MGAT4C: variants seen among roughly 807,000 people sequenced by gnomAD.
MGAT4C encodes MGAT4 family member C.
Under a neutral mutation model 40.1 loss-of-function variants are expected in MGAT4C, and 19 were observed. That is an observed-to-expected ratio of 0.47 (90% confidence interval 0.33 to 0.70). MGAT4C has a LOEUF of 0.70. Among genes scored for constraint, MGAT4C ranks in the 30% least tolerant of loss-of-function variants. The pLI is 0.02. For synonymous variants in MGAT4C, 181 were observed against 187.1 expected (o/e 0.97, Z 0.27); for missense variants, 491 against 563.2 (o/e 0.87, Z 1.30).
chr12:86,638,051 CTT>C (rs1963273398), intron 2 of MGAT4C, among the ~76,000 whole-genome samples: 1 of 151,846 alleles, frequency 6.6e-6, no homozygotes, highest in Non-Finnish European at 1.5e-5. Context: ...TTTGTGCCCT[CTT>C]TGTCTTTAAA....
chr12:86,070,586 G>C (rs1057154143), intron 1 of MGAT4C, among the ~76,000 whole-genome samples: 1 of 151,992 alleles, frequency 6.6e-6, no homozygotes, highest in Non-Finnish European at 1.5e-5. Flanking sequence ...TCTGAAATTT[G>C]TACAGGTGGC....
rs78853511 is a variant in MGAT4C, at chr12:86,094,759, T to C, written c.-56-45036A>G. On this transcript the variant is annotated intron_variant, in intron 1 of 4. Transcript: ENST00000611864. ...GTGATTGCTGTTTTTTTGCTTGGTA[T>C]CATCTTATGCCCTTTGCCCCTGTGA... Among the ~76,000 whole-genome samples the C allele has an allele frequency of 7.5e-3, 1,142 of 152,250 alleles. 9 individuals carry two copies. Among genetic ancestry groups the C allele is most frequent in the Non-Finnish European group, 0.011 (775 of 68,006 alleles).
intron 2 of MGAT4C, among the ~76,000 whole-genome samples, chr12:86,471,342 G>A (rs2136304027): frequency 6.6e-6 from 1 of 152,046 alleles, no homozygotes; most frequent in Admixed American, 6.6e-5. Flanking sequence ...TAACATAGAA[G>A]CCACTAGGGG....
chr12:86,590,764 T>C (rs1961300091), intron 2 of MGAT4C, among the ~76,000 whole-genome samples: 1 of 152,000 alleles, frequency 6.6e-6, no homozygotes, highest in South Asian at 2.1e-4. Context: ...AATTCAGTGG[T>C]ACTTTCAGCA....
At chr12:86,799,118 T>A (rs1051773938) in intron 1 of MGAT4C, among the ~76,000 whole-genome samples, 1 of 151,858 alleles carries the variant, frequency 6.6e-6, no homozygotes, top group African/African-American at 2.4e-5. Context: ...TTGATTTTCA[T>A]AAATTTAACC....
rs368921664 is a variant in MGAT4C at position 86,176,798 on chromosome 12, G to A, written c.-57+79441C>T. On this transcript the variant is annotated intron_variant, in intron 1 of 4. Transcript: ENST00000611864. ...TCTATATAATCCTTTTTTAGGGTGA[G>A]GCCAAATTATATTTGCTGTTTTATT... is the stretch of plus-strand genomic sequence containing the variant. 6.8e-5 allele frequency among the ~76,000 whole-genome samples: 10 copies of A among 146,842 alleles called. No homozygotes were observed. The East Asian group carries it at 9.9e-4, about 15-fold the overall frequency.
intron 1 of MGAT4C, among the ~76,000 whole-genome samples, chr12:86,197,897 TA>T (rs962426721): frequency 6.6e-6 from 1 of 152,170 alleles, no homozygotes; most frequent in African/African-American, 2.4e-5. Context: ...TAATATCTGG[TA>T]AATAGTAAGC....
chr12:86,423,295 T>C (rs1956864377), intron 3 of MGAT4C, among the ~76,000 whole-genome samples: 2 of 151,830 alleles, frequency 1.3e-5, no homozygotes, highest in South Asian at 4.1e-4. Context: ...TATTTTGACA[T>C]CTATGAAGCA....
intron 2 of MGAT4C, among the ~76,000 whole-genome samples, chr12:86,026,787 T>C (rs563077136): frequency 1.3e-5 from 2 of 152,076 alleles, no homozygotes; most frequent in South Asian, 4.1e-4. Context: ...ATCTGAGATA[T>C]TGCTGTTGAC....
chr12:86,195,485 G>C (rs1036601415), intron 1 of MGAT4C, among the ~76,000 whole-genome samples: 1 of 152,026 alleles, frequency 6.6e-6, no homozygotes, highest in African/African-American at 2.4e-5. Flanking sequence ...TTGGATACAA[G>C]CTTTCAATTC....
chr12:86,290,951 G>A (rs1263632952), intron 4 of MGAT4C, among the ~76,000 whole-genome samples: 1 of 152,080 alleles, frequency 6.6e-6, no homozygotes, highest in Non-Finnish European at 1.5e-5. Flanking sequence ...AAGGAAGCTC[G>A]GAAAAAGGTA....
chr12:86,019,593 G>A (rs1386554070), intron 2 of MGAT4C, among the ~76,000 whole-genome samples: 3 of 152,154 alleles, frequency 2.0e-5, no homozygotes, highest in African/African-American at 4.8e-5. Flanking sequence ...GGTTACTGTA[G>A]CCTAGTAGTA....
chr12:86,771,331 C>T (rs1457431163), intron 1 of MGAT4C, among the ~76,000 whole-genome samples: 1 of 152,056 alleles, frequency 6.6e-6, no homozygotes, highest in East Asian at 1.9e-4. Flanking sequence ...TGGGGTGCTA[C>T]TATAACACAC....
At chr12:86,151,349 A>ATG (rs1593081476) in intron 1 of MGAT4C, among the ~76,000 whole-genome samples, 6 of 152,228 alleles carry the variant, frequency 3.9e-5, no homozygotes, top group East Asian at 1.9e-4. Context: ...GCGGTGGCTC[A>ATG]CAACTGTAAT....
At chr12:86,696,792 G>GT (rs201611088) in intron 2 of MGAT4C, among the ~76,000 whole-genome samples, 85 of 151,428 alleles carry the variant, frequency 5.6e-4, no homozygotes, top group East Asian at 2.5e-3. Flanking sequence ...ATTCTCATGA[G>GT]TTTTTTTTTA....
chr12:86,097,793 A>G (rs1874215976), intron 1 of MGAT4C, among the ~76,000 whole-genome samples: 1 of 151,650 alleles, frequency 6.6e-6, no homozygotes, highest in Non-Finnish European at 1.5e-5. Context: ...TTCTACAACA[A>G]TGGAAAGCCC....
chr12:86,587,704 G>T (rs1025860429), intron 2 of MGAT4C, among the ~76,000 whole-genome samples: 19 of 151,730 alleles, frequency 1.3e-4, no homozygotes, highest in African/African-American at 4.6e-4. Context: ...TATTCTCTTT[G>T]AAGCAATTGT....
At chr12:86,039,743 T>C (rs566307101) in intron 2 of MGAT4C, among the ~76,000 whole-genome samples, 1 of 152,324 alleles carries the variant, frequency 6.6e-6, no homozygotes, top group African/African-American at 2.4e-5. Flanking sequence ...AAACTCATTC[T>C]CCATCCAATT....
At position 86,426,403 on chromosome 12, in the gene MGAT4C, A is replaced by T. The variant is rs959066539; in HGVS notation, c.-120+8754T>A. On this transcript the variant is annotated intron_variant, in intron 3 of 7. Coordinates refer to the MGAT4C transcript ENST00000548651. ...TTAGTGATCATTTATAAGTCACAAG[A>T]CACTATAATAAACACATTTATCTTA... Among the ~76,000 whole-genome samples the T allele has an allele frequency of 2.6e-5, 4 of 152,224 alleles. No individual in the cohort carries two copies. In the East Asian group the frequency reaches 7.7e-4, roughly 29 times the overall value.
Sources: allele counts gnomAD v4.1 joint callset (sites outside exome capture counted in the v4.1 genomes callset), GRCh38; gene constraint gnomAD v4.1.1; transcripts MANE v1.5; gene names NCBI Gene and HGNC (gene_info 2026-07-23, HGNC 2026-07-21).